The following ROCK1 variants were observed in gnomAD, a reference collection of about 807,000 sequenced individuals.
ROCK1 encodes the protein Rho associated coiled-coil containing protein kinase 1, also known as rho-associated protein kinase 1.
ROCK1 carries 36 observed loss-of-function variants against 196.8 expected under a neutral mutation model. The observed-to-expected ratio is 0.18, with a 90% CI of 0.14 to 0.24. ROCK1 has a LOEUF of 0.24. Ranked by LOEUF, ROCK1 falls within the 10% of genes least tolerant of loss-of-function variation. The pLI, the probability that ROCK1 is intolerant of heterozygous loss-of-function variation, is 1.00. For synonymous variants in ROCK1, 443 were observed against 515.9 expected, an observed-to-expected ratio of 0.86 and a Z score of 1.91; for missense variants, 920 against 1,562.0, an observed-to-expected ratio of 0.59 and a Z score of 6.93.
intron 2 of ROCK1, among the ~76,000 whole-genome samples, chr18:21,057,168 G>A (rs1369122718): frequency 6.6e-6 from 1 of 152,186 alleles, no homozygotes; most frequent in Non-Finnish European, 1.5e-5. Context: ...AGGATGTTGT[G>A]ACCATCTAGA....
At chr18:21,108,730 A>G (rs1197229831) in intron 1 of ROCK1, among the ~76,000 whole-genome samples, 1 of 152,146 alleles carries the variant, frequency 6.6e-6, no homozygotes, top group East Asian at 1.9e-4. Context: ...TTTCTGGACT[A>G]TTACAATAAT....
chr18:20,998,656 G>A (rs1355477373), intron 16 of ROCK1, among the ~76,000 whole-genome samples: 1 of 142,578 alleles, frequency 7.0e-6, no homozygotes, highest in African/African-American at 2.6e-5. Context: ...CCAGGCTGGA[G>A]TGCAGTGATG....
At chr18:20,967,389 T>C (rs1375354031) in intron 26 of ROCK1, among the ~76,000 whole-genome samples, 1 of 152,150 alleles carries the variant, frequency 6.6e-6, no homozygotes, top group Non-Finnish European at 1.5e-5. Flanking sequence ...TTTAAAGGTA[T>C]AGAAAACTTC....
intron 1 of ROCK1, among the ~76,000 whole-genome samples, chr18:21,079,903 C>T (rs1481799111): frequency 1.3e-5 from 2 of 152,188 alleles, no homozygotes; most frequent in Admixed American, 6.5e-5. Flanking sequence ...GATAGGAAGG[C>T]CATGCCCTTG....
chr18:20,978,693 G>A (rs2035502550), intron 22 of ROCK1, among the ~76,000 whole-genome samples: 1 of 152,168 alleles, frequency 6.6e-6, no homozygotes, highest in South Asian at 2.1e-4. Flanking sequence ...AATCGCAACT[G>A]AGGGAACATC....
chr18:21,070,189 T>A (rs960279913), intron 2 of ROCK1, among the ~76,000 whole-genome samples: 10 of 152,120 alleles, frequency 6.6e-5, no homozygotes, highest in African/African-American at 2.4e-4. Context: ...AAAAGGAGCC[T>A]TCGGAAAAGA....
chr18:21,023,144 T>G (rs1215624683), intron 11 of ROCK1, among the ~76,000 whole-genome samples: 1 of 152,044 alleles, frequency 6.6e-6, no homozygotes, highest in Non-Finnish European at 1.5e-5. Context: ...TTTGGGATGA[T>G]GAAAAGGTTC....
At chr18:20,972,784 AAG>A (rs1469197640) in intron 22 of ROCK1, among the ~76,000 whole-genome samples, 30 of 152,230 alleles carry the variant, frequency 2.0e-4, no homozygotes, top group Non-Finnish European at 1.0e-4. Flanking sequence ...GAGTGAGCTC[AAG>A]AGAGAATGAA....
intron 29 of ROCK1, among the ~76,000 whole-genome samples, chr18:20,956,302 T>C (rs1445060336): frequency 1.3e-5 from 2 of 152,236 alleles, no homozygotes; most frequent in Non-Finnish European, 2.9e-5. Flanking sequence ...AAATTGTCTC[T>C]AGATAATATC....
At chr18:21,041,772 A>G (rs1045202348) in intron 8 of ROCK1, among the ~76,000 whole-genome samples, 2 of 152,068 alleles carry the variant, frequency 1.3e-5, no homozygotes, top group African/African-American at 4.8e-5. Flanking sequence ...CTAATTTCAG[A>G]GATGTTATGT....
chr18:21,010,903 T>C (rs1304157369), intron 13 of ROCK1, among the ~76,000 whole-genome samples: 1 of 152,370 alleles, frequency 6.6e-6, no homozygotes, highest in African/African-American at 2.4e-5. Context: ...TTTTGGTGGA[T>C]TGACTCTTAT....
At chr18:21,082,345 A>C (rs1482316804) in intron 1 of ROCK1, among the ~76,000 whole-genome samples, 3 of 152,170 alleles carry the variant, frequency 2.0e-5, no homozygotes, top group African/African-American at 7.2e-5. Context: ...TGAGTGCAGC[A>C]CTGCCCTGAT....
At chr18:21,064,794 A>G (rs1222445072) in intron 2 of ROCK1, among the ~76,000 whole-genome samples, 1 of 152,202 alleles carries the variant, frequency 6.6e-6, no homozygotes, top group East Asian at 1.9e-4. Context: ...CTCCCTGTGG[A>G]AGAACCTTGC....
intron 14 of ROCK1, among the ~76,000 whole-genome samples, chr18:21,007,572 A>G (rs1186326200): frequency 2.0e-5 from 3 of 152,210 alleles, no homozygotes; most frequent in Non-Finnish European, 2.9e-5. Context: ...ACGTGAAATA[A>G]CTTATGGAAG....
chr18:20,996,460 TTAAAGAGCAGGCA>T (rs1344778165), intron 16 of ROCK1, among the ~76,000 whole-genome samples: 1 of 152,156 alleles, frequency 6.6e-6, no homozygotes, highest in Non-Finnish European at 1.5e-5. Flanking sequence ...GTTATTAGCC[TTAAAGAGCAGGCA>T]GAAAGAGAGA....
At chr18:21,015,340 C>G (rs770758135) in intron 13 of ROCK1, 91 bp downstream of exon 13, 1 of 873,772 alleles carries the variant, frequency 1.1e-6, no homozygotes, top group Non-Finnish European at 1.9e-6. Flanking sequence ...TTTCAAACTA[C>G]AGAATTCAAA....
chr18:20,967,077 C>T lies in ROCK1; in HGVS notation c.3193-1G>A. 1 of 1,598,202 alleles carries T rather than the reference C, an allele frequency of 6.3e-7. No homozygotes were observed. On this transcript the variant is annotated splice_acceptor_variant, in intron 26 of 32. Transcript: ENST00000399799. LOFTEE classifies it high-confidence loss of function. ...TATGTGCACATTCTTCTACCAATTGCTAATTTTGAAAAGTATCAAGATAAT... is the reference window on the plus strand; with the variant it reads ...TATGTGCACATTCTTCTACCAATTGTTAATTTTGAAAAGTATCAAGATAAT...
chr18:20,997,796 T>G (rs144792478), intron 16 of ROCK1, among the ~76,000 whole-genome samples: 1 of 151,578 alleles, frequency 6.6e-6, no homozygotes, highest in East Asian at 1.9e-4. Flanking sequence ...CTATCTTCTC[T>G]GACCACAATG....
At position 21,057,657 on chromosome 18, in the gene ROCK1, A is replaced by G. The variant is rs2036255110; in HGVS notation, c.176-7777T>C. 3.3e-5 allele frequency among the ~76,000 whole-genome samples: 5 copies of G among 150,164 alleles called. No individual in the cohort carries two copies. The Admixed American group carries it at 3.3e-4, about 10-fold the overall frequency. ...GCCAACATGGCAAAACCCCGTCTCTACTAAAAACACAAAAATTAGCCGGCA... is the reference window on the plus strand; with the variant it reads ...GCCAACATGGCAAAACCCCGTCTCTGCTAAAAACACAAAAATTAGCCGGCA... On this transcript the variant is annotated intron_variant, in intron 2 of 32. Coordinates refer to ENST00000399799, the MANE Select transcript of ROCK1 (RefSeq NM_005406.3).
Sources: gnomAD v4.1 joint callset for allele counts (sites outside exome capture counted in the v4.1 genomes callset) on GRCh38, gnomAD v4.1.1 for gene constraint, MANE v1.5 for transcripts, NCBI Gene and HGNC (gene_info 2026-07-23, HGNC 2026-07-21) for gene names.